The following COPS8 variants were observed in gnomAD, a reference collection of about 807,000 sequenced individuals.
The protein encoded by COPS8 is COP9 signalosome subunit 8, also known as COP9 signalosome complex subunit 8.
In COPS8, 11 loss-of-function variants were observed where a neutral mutation model predicts 31.5. That is an observed-to-expected ratio of 0.35 (90% CI 0.22 to 0.58). COPS8 has a LOEUF of 0.58. Ranked by LOEUF, COPS8 falls within the 20% of genes least tolerant of loss-of-function variation. COPS8 has a pLI of 0.83. For missense variants in COPS8, 215 were observed against 255.1 expected, an observed-to-expected ratio of 0.84 and a Z score of 1.07; for synonymous variants, 81 against 89.3, an observed-to-expected ratio of 0.91 and a Z score of 0.52.
chr2:237,098,681 C>T lies in COPS8; in HGVS notation c.*939C>T, dbSNP rs1304266557. On this transcript the variant is annotated 3_prime_UTR_variant, in exon 8 of 8. Transcript: ENST00000354371. ...CTGCATTTGTTCAATAAATATTTAA[C>T]TGAATTCTTCAATTATTTCATCTAA... 2 of 152,150 alleles carry T rather than the reference C, an allele frequency of 1.3e-5. No homozygotes were observed. Among genetic ancestry groups the T allele is most frequent in the African/African-American group, 2.4e-5 (1 of 41,434 alleles). The allele number at this position is 152,150 out of a possible 1,614,324, so 9.4% of individuals were successfully genotyped here. A position where few individuals can be genotyped will look rare whatever the true frequency, so the allele number is the denominator to read the frequency against.
At chr2:237,096,931 A>G (rs954894666) in intron 7 of COPS8, 62 bp downstream of exon 7, 65 of 1,116,328 alleles carry the variant, frequency 5.8e-5, no homozygotes, top group Admixed American at 1.1e-4. Context: ...TTTTTGTAGT[A>G]TATATGTATA....
intron 2 of COPS8, among the ~76,000 whole-genome samples, chr2:237,088,242 G>A (rs185488596): frequency 2.0e-4 from 31 of 152,280 alleles, no homozygotes; most frequent in Admixed American, 3.9e-4. Context: ...CTTATTGTCA[G>A]GGAATGCTAC....
At position 237,087,160 on chromosome 2, in the gene COPS8, G is replaced by T. The variant is rs753583849; in HGVS notation, c.112G>T (p.Gly38Cys). The change falls in exon 2 of 8, where the codon GGT becomes TGT. Residue 38 changes from glycine to cysteine, a missense_variant. By Grantham distance (159) the Gly-to-Cys change is radical (BLOSUM62 -3). Coordinates refer to ENST00000354371, the MANE Select transcript of COPS8 (RefSeq NM_006710.5). ...PGGIATPPVYGQLLALYLLHN... is the reference protein window; with the variant it reads ...PGGIATPPVYCQLLALYLLHN... The stretch of plus-strand genomic sequence containing the variant: ...AGGAATTGCTACACCCCCAGTGTAT[G>T]GTCAGCTTCTAGCTTTATATTTGCT... 6.2e-7 allele frequency: 1 copy of T among 1,609,154 alleles called. No homozygotes were observed. Among genetic ancestry groups the T allele is most frequent in the South Asian group, 1.1e-5 (1 of 89,958 alleles).
At chr2:237,088,977 A>C (rs540742416) in intron 3 of COPS8, among the ~76,000 whole-genome samples, 1 of 152,164 alleles carries the variant, frequency 6.6e-6, no homozygotes, top group Non-Finnish European at 1.5e-5. Context: ...CAGCTGGTTT[A>C]TGTTGCTTCC....
At position 237,085,961 on chromosome 2, in the gene COPS8, G is replaced by A; in HGVS notation, c.-4G>A. Reference sequence around the variant, plus strand: ...ACGGTGCAGCGGCGAGGCCGGCCGCGAAGATGCCAGTGGCGGTGATGGCGG... The same window carrying A: ...ACGGTGCAGCGGCGAGGCCGGCCGCAAAGATGCCAGTGGCGGTGATGGCGG... On this transcript the variant is annotated 5_prime_UTR_variant, in exon 1 of 8. Coordinates refer to ENST00000354371, the MANE Select transcript of COPS8 (RefSeq NM_006710.5). The A allele has an allele frequency of 1.2e-6, 2 of 1,612,774 alleles. No homozygotes were observed. The highest frequency in any genetic ancestry group is 1.7e-6 in the Non-Finnish European group (2 of 1,179,334).
chr2:237,092,547 T>TAA (rs571024591), intron 4 of COPS8, among the ~76,000 whole-genome samples: 3,813 of 147,472 alleles, frequency 0.026, 89 homozygotes, highest in Middle Eastern at 0.13. Flanking sequence ...TTTACTTCTC[T>TAA]AAAAAAAAAA....
chr2:237,088,794 A>G, intron 3 of COPS8, 141 bp downstream of exon 3: 2 of 519,758 alleles, frequency 3.8e-6, no homozygotes, highest in South Asian at 3.4e-5. Flanking sequence ...ATAAATCTTC[A>G]GAGTCCTCTA....
At chr2:237,097,224 C>CTTTTTTTTTTTTTTTTTTTTT (rs996251270) in intron 7 of COPS8, among the ~76,000 whole-genome samples, 8 of 95,984 alleles carry the variant, frequency 8.3e-5, no homozygotes, top group African/African-American at 2.7e-4. Context: ...TGTGGGTTTT[C>CTTTTTTTTTTTTTTTTTTTTT]TTTTTTTTTT....
At chr2:237,097,516 A>C in intron 7 of COPS8, 147 bp from the exon 8 acceptor site, 1 of 616,650 alleles carries the variant, frequency 1.6e-6, no homozygotes, top group Non-Finnish European at 2.9e-6. Flanking sequence ...AGCCTCTATG[A>C]TGTAAGATTT....
chr2:237,094,985 G>T (rs1052161043), intron 5 of COPS8, among the ~76,000 whole-genome samples: 1 of 151,824 alleles, frequency 6.6e-6, no homozygotes, highest in Non-Finnish European at 1.5e-5. Flanking sequence ...TATATATATC[G>T]TATACACCTT....
chr2:237,097,280 T>TG (rs1380625687), intron 7 of COPS8, among the ~76,000 whole-genome samples: 1 of 150,800 alleles, frequency 6.6e-6, no homozygotes, highest in Non-Finnish European at 1.5e-5. Context: ...CAGTGATGTC[T>TG]GGGGCATGGG....
chr2:237,097,740 T>C lies in COPS8; in HGVS notation c.628T>C (p.Ter210ArgextTer32). 6.2e-7 allele frequency: 1 copy of C among 1,606,134 alleles called. No individual in the cohort carries two copies. The change falls in exon 8 of 8, where the codon TGA becomes CGA. Residue 210 changes from the stop codon to arginine (R), a stop_lost. Coordinates refer to ENST00000354371, the MANE Select transcript of COPS8 (RefSeq NM_006710.5). ...GGATTATGTGGCTTTCCTTGAAAACTGATTTATCACTCTGAGTTCAAGATT... is the reference window on the plus strand; with the variant it reads ...GGATTATGTGGCTTTCCTTGAAAACCGATTTATCACTCTGAGTTCAAGATT... ...LTDYVAFLEN[*>R] is the part of the protein sequence containing the mutation.
In COPS8 at chr2:237,089,965, C is replaced by T. The variant is rs373956441; in HGVS notation, c.302C>T (p.Thr101Met). 44 of 1,613,984 alleles carry T rather than the reference C, an allele frequency of 2.7e-5. No homozygotes were observed. Among genetic ancestry groups the T allele is most frequent in the African/African-American group, 5.3e-5 (4 of 75,028 alleles). ...ATCAACGCTCACCAGTGGTCTGAGA[C>T]GGTCCAGCCAATTATGGAAGCACTT... is the stretch of plus-strand genomic sequence containing the variant. Reference protein sequence around the residue: ...TTINAHQWSETVQPIMEALRD... With the variant: ...TTINAHQWSEMVQPIMEALRD... The change falls in exon 4 of 8, where the codon ACG (threonine) becomes ATG (methionine). Residue 101 changes from threonine to methionine, a missense_variant. Transcript: ENST00000354371.
At chr2:237,093,507 T>C (rs1696743001) in intron 4 of COPS8, among the ~76,000 whole-genome samples, 1 of 152,184 alleles carries the variant, frequency 6.6e-6, no homozygotes, top group African/African-American at 2.4e-5. Flanking sequence ...AATGCCACTT[T>C]CAGGAAAGTT....
intron 6 of COPS8, 66 bp from the exon 7 acceptor site, chr2:237,096,756 T>C: frequency 1.6e-6 from 2 of 1,235,964 alleles, no homozygotes; most frequent in Non-Finnish European, 2.4e-6. Flanking sequence ...GAAAATAGCA[T>C]GTTCTATGAA....
rs545115916 is a variant in COPS8, at chr2:237,086,271, A to G, written c.78+229A>G. Among the ~76,000 whole-genome samples, 35 of 152,176 alleles carry G rather than the reference A, an allele frequency of 2.3e-4. No individual in the cohort carries two copies. The South Asian group carries it at 7.3e-3, about 32-fold the overall frequency. On this transcript the variant is annotated intron_variant, in intron 1 of 7. Transcript: ENST00000354371. ...TATGTGTCTTCAGCTTGTGAGCCCG[A>G]AAACCCTGTGCGTCTTTGCTCCAGC...
At position 237,085,970 on chromosome 2, in the gene COPS8, A is replaced by C. The variant is rs780682214; in HGVS notation, c.6A>C (p.Pro2=). ...CGGCGAGGCCGGCCGCGAAGATGCC[A>C]GTGGCGGTGATGGCGGAAAGCGCCT... M[P]VAVMAESAFS... The change falls in exon 1 of 8, where the codon CCA becomes CCC. Residue 2 remains proline, a synonymous_variant. Transcript: ENST00000354371. The C allele has an allele frequency of 1.7e-5, 27 of 1,610,470 alleles. No homozygotes were observed. Among genetic ancestry groups the C allele is most frequent in the Non-Finnish European group, 2.3e-5 (27 of 1,177,746 alleles).
At chr2:237,087,657 C>A in intron 2 of COPS8, 1 of 205,710 alleles carries the variant, frequency 4.9e-6, no homozygotes, top group South Asian at 6.4e-5. Context: ...AGGCCGGGCG[C>A]CGTGGCACAC....
intron 4 of COPS8, among the ~76,000 whole-genome samples, chr2:237,093,498 A>G (rs948491840): frequency 2.0e-5 from 3 of 152,156 alleles, no homozygotes; most frequent in African/African-American, 7.2e-5. Context: ...ACAATCCTAA[A>G]TGCCACTTTC....
Sources: allele counts gnomAD v4.1 joint callset (sites outside exome capture counted in the v4.1 genomes callset), GRCh38; gene constraint gnomAD v4.1.1; transcripts MANE v1.5; gene names NCBI Gene and HGNC (gene_info 2026-07-23, HGNC 2026-07-21).